Variants in ATRIP observed in about 807,000 individuals in gnomAD.
ATRIP encodes the protein ATR-interacting protein.
A neutral mutation model predicts 78.1 loss-of-function variants in ATRIP; 44 were observed. The observed-to-expected ratio is 0.56, with a 90% CI of 0.44 to 0.72. ATRIP has a LOEUF of 0.72. Among genes scored for constraint, ATRIP ranks in the 30% least tolerant of loss-of-function variants. The probability of loss-of-function intolerance (pLI) is 0.00; values close to 1 mark genes in which losing one functional copy is unlikely to be tolerated. For missense variants in ATRIP, 927 were observed against 980.2 expected (o/e 0.95, Z 0.72); for synonymous variants, 388 against 408.9 (o/e 0.95, Z 0.62).
At chr3:48,461,108 C>G (rs985072574) in intron 8 of ATRIP, among the ~76,000 whole-genome samples, 1 of 152,314 alleles carries the variant, frequency 6.6e-6, no homozygotes. Flanking sequence ...GGCCTCTGAA[C>G]CTGAGATGTG....
chr3:48,465,114 C>A, intron 12 of ATRIP, 31 bp downstream of exon 12: 1 of 1,586,022 alleles, frequency 6.3e-7, no homozygotes, highest in Non-Finnish European at 8.6e-7. Context: ...CCTGCCCAGC[C>A]CCCATGGCTT....
At position 48,465,933 on chromosome 3, in the gene ATRIP, C is replaced by G. The variant is rs1221805677; in HGVS notation, c.*379C>G. The G allele has an allele frequency of 3.4e-6, 1 of 290,252 alleles. No individual in the cohort carries two copies. The highest frequency in any genetic ancestry group is 9.2e-5 in the East Asian group (1 of 10,862). 18.0% of individuals were successfully genotyped at this position (290,252 alleles called of 1,614,324 possible). ...CCAGGAAAGCCTGGGAAACTGGGAC[C>G]CACAGGTGGGCATGAAAGGGCCGCA... On this transcript the variant is annotated 3_prime_UTR_variant, in exon 13 of 13. Transcript: ENST00000320211.
Position 48,460,549 on chromosome 3 carries a change from G to C in ATRIP, c.1495G>C (p.Gly499Arg). ...SGAVVSLLLSGVGADSAAGEG... is the reference protein window; with the variant it reads ...SGAVVSLLLSRVGADSAAGEG... ...AGCAGTCGTCTCCCTATTACTGTCA[G>C]GAGTGGGGGCAGATTCTGCTGCTGG... Residue 499 changes from glycine to arginine, a missense_variant, in exon 8 of 13, where the codon GGA (glycine) becomes CGA (arginine). By Grantham distance (125) the Gly-to-Arg change is moderately radical. Transcript: ENST00000320211. 1.2e-6 allele frequency: 2 copies of C among 1,614,208 alleles called. No homozygotes were observed. Among genetic ancestry groups the C allele is most frequent in the African/African-American group, 2.7e-5 (2 of 75,054 alleles).
intron 8 of ATRIP, among the ~76,000 whole-genome samples, chr3:48,461,840 G>C (rs1351763058): frequency 6.6e-6 from 1 of 152,192 alleles, no homozygotes; most frequent in Non-Finnish European, 1.5e-5. Context: ...GAGACGCTGA[G>C]ATTACAGGCA....
intron 2 of ATRIP, among the ~76,000 whole-genome samples, chr3:48,451,082 G>A (rs1243679632): frequency 5.9e-5 from 9 of 151,876 alleles, no homozygotes; most frequent in African/African-American, 1.9e-4. Context: ...TCAGCTACTC[G>A]GGAGGCTGAG....
chr3:48,459,485 C>A (rs752563462), intron 6 of ATRIP, 31 bp downstream of exon 6: 34 of 1,574,734 alleles, frequency 2.2e-5, no homozygotes, highest in Non-Finnish European at 2.7e-5. Flanking sequence ...CCTGCAGGGG[C>A]CTGCATGGCT....
chr3:48,456,496 G>A (rs528620412), intron 4 of ATRIP, among the ~76,000 whole-genome samples: 228 of 152,102 alleles, frequency 1.5e-3, no homozygotes, highest in African/African-American at 5.2e-3. Flanking sequence ...CTACTCAGAA[G>A]GATGAGGTGG....
At chr3:48,450,230 T>G in intron 2 of ATRIP, 60 bp downstream of exon 2, 1 of 1,553,358 alleles carries the variant, frequency 6.4e-7, no homozygotes, top group Non-Finnish European at 8.8e-7. Context: ...TTTAAAAGCA[T>G]TGTACAGTAA....
chr3:48,453,326 T>G (rs1011025381), intron 3 of ATRIP, among the ~76,000 whole-genome samples: 4 of 152,128 alleles, frequency 2.6e-5, no homozygotes, highest in Admixed American at 1.3e-4. Flanking sequence ...TCAGCAAACT[T>G]AGCAAACTTT....
At chr3:48,450,718 C>G (rs2039813820) in intron 2 of ATRIP, 1 of 383,620 alleles carries the variant, frequency 2.6e-6, no homozygotes, top group Non-Finnish European at 4.8e-6. Context: ...TCCAGAGTAG[C>G]TGGGACTACA....
chr3:48,461,684 T>G (rs114537704), intron 8 of ATRIP, among the ~76,000 whole-genome samples: 1,713 of 152,070 alleles, frequency 0.011, 30 homozygotes, highest in African/African-American at 0.037. Context: ...GCTGTTTTTT[T>G]TTGTTGTTGT....
At position 48,460,255 on chromosome 3, in the gene ATRIP, G is replaced by A; in HGVS notation, c.1201G>A (p.Ala401Thr). 6.2e-7 allele frequency: 1 copy of A among 1,614,152 alleles called. No homozygotes were observed. Residue 401 changes from alanine to threonine, a missense_variant, in exon 8 of 13, where the codon GCA (alanine) becomes ACA (threonine). Physicochemically the swap from Ala to Thr is moderately conservative, Grantham distance 58. Transcript: ENST00000320211. Reference sequence around the variant, plus strand: ...TGAGTGCTCACGTGATGGAGACCCAGCAGAGGGAGGCAGAAGGGCCTTCCC... The same window carrying A: ...TGAGTGCTCACGTGATGGAGACCCAACAGAGGGAGGCAGAAGGGCCTTCCC... ...RNECSRDGDP[A>T]EGGRRAFPLC...
At chr3:48,448,149 T>C (rs2039731225) in intron 1 of ATRIP, among the ~76,000 whole-genome samples, 2 of 148,992 alleles carry the variant, frequency 1.3e-5, no homozygotes, top group East Asian at 2.0e-4. Flanking sequence ...TACACAGATA[T>C]ACGTGAACAC....
At chr3:48,447,147 C>A (rs2039699761) in intron 1 of ATRIP, 55 bp downstream of exon 1, 15 of 1,403,790 alleles carry the variant, frequency 1.1e-5, no homozygotes, top group Non-Finnish European at 1.3e-5. Flanking sequence ...GCGCCAGATC[C>A]CCTTGATGGC....
chr3:48,464,945 G>A lies in ATRIP; in HGVS notation c.2170G>A (p.Val724Met). ...RRTVRCLRDT[V>M]LLLHGLSQKD... ...GACAGTGCGCTGTCTGCGGGACACG[G>A]TGCTGCTGCTGCACGGCCTATCGCA... is the stretch of plus-strand genomic sequence containing the variant. The change falls in exon 12 of 13, where the codon GTG becomes ATG. Residue 724 changes from valine to methionine, a missense_variant. By Grantham distance (21) the Val-to-Met change is conservative. Transcript: ENST00000320211. 1.9e-6 allele frequency: 3 copies of A among 1,614,146 alleles called. No individual in the cohort carries two copies. Among genetic ancestry groups the A allele is most frequent in the Non-Finnish European group, 2.5e-6 (3 of 1,180,016 alleles).
rs2039680209 is a variant in ATRIP, at chr3:48,446,751, C to T, written c.-95C>T. On this transcript the variant is annotated 5_prime_UTR_variant, in exon 1 of 13. Coordinates refer to ENST00000320211, the MANE Select transcript of ATRIP (RefSeq NM_130384.3). Reference sequence around the variant, plus strand: ...AGGGGCGGGGCACTCGCGGCGGAGGCAAGCGGCGGCGCGCGGACGGTTGGT... The same window carrying T: ...AGGGGCGGGGCACTCGCGGCGGAGGTAAGCGGCGGCGCGCGGACGGTTGGT... The T allele has an allele frequency of 1.5e-6, 2 of 1,312,392 alleles. No individual in the cohort carries two copies. Among genetic ancestry groups the T allele is most frequent in the Non-Finnish European group, 1.9e-6 (2 of 1,027,312 alleles). The allele number at this position is 1,312,392 out of a possible 1,614,324, so 81.3% of individuals were successfully genotyped here.
At position 48,460,680 on chromosome 3, in the gene ATRIP, T is replaced by G. The variant is rs376380002; in HGVS notation, c.1626T>G (p.Leu542=). 21 of 1,614,006 alleles carry G rather than the reference T, an allele frequency of 1.3e-5. No homozygotes were observed. The African/African-American group carries it at 2.3e-4, about 17-fold the overall frequency. ...DQGQHPLLKM[L]LHLLAFSSAA... is the part of the protein sequence containing the mutation. ...GACAGCACCCACTGTTGAAGATGCT[T>G]CTTCACCTGTTGGCTTTCTCTTCTG... The change falls in exon 8 of 13, where the codon CTT becomes CTG. Residue 542 remains leucine (L), a synonymous_variant. Transcript: ENST00000320211.
intron 2 of ATRIP, chr3:48,450,535 C>T: frequency 7.8e-7 from 1 of 1,290,142 alleles, no homozygotes; most frequent in Non-Finnish European, 1.0e-6. Context: ...TCTGTAGGTC[C>T]CTAAGAAAAC....
In ATRIP at chr3:48,466,692, A is replaced by T. The variant is rs1287600584; in HGVS notation, c.*1138A>T. ...GGCCCTGCCCCCGGGGCCCATGCAG[A>T]CCCTCATCTTTTTCGACATGGAGGC... On this transcript the variant is annotated 3_prime_UTR_variant, in exon 13 of 13. Coordinates refer to ENST00000320211, the MANE Select transcript of ATRIP (RefSeq NM_130384.3). 1 of 1,613,480 alleles carries T rather than the reference A, an allele frequency of 6.2e-7. No homozygotes were observed. The highest frequency in any genetic ancestry group is 8.5e-7 in the Non-Finnish European group (1 of 1,179,924).
Sources: gnomAD v4.1 joint callset for allele counts (sites outside exome capture counted in the v4.1 genomes callset) on GRCh38, gnomAD v4.1.1 for gene constraint, MANE v1.5 for transcripts, NCBI Gene and HGNC (gene_info 2026-07-23, HGNC 2026-07-21) for gene names.